The following POU2F3 variants were observed in gnomAD, a reference collection of about 807,000 sequenced individuals.
The protein encoded by POU2F3 is POU domain, class 2, transcription factor 3.
In POU2F3, 23 loss-of-function variants were observed where a neutral mutation model predicts 59.2. The ratio of observed to expected loss-of-function variants is 0.39; its 90% CI spans 0.28 to 0.55. The LOEUF (loss-of-function observed/expected upper bound fraction) is 0.55, where lower values mean the gene tolerates loss of function less well. Among genes scored for constraint, POU2F3 ranks in the 20% least tolerant of loss-of-function variants. The pLI is 0.66. For synonymous variants in POU2F3, 190 were observed against 214.6 expected (o/e 0.89, Z 1.00); for missense variants, 473 against 544.5 (o/e 0.87, Z 1.31).
chr11:120,314,259 G>A (rs1029725240), intron 10 of POU2F3, among the ~76,000 whole-genome samples: 4 of 152,218 alleles, frequency 2.6e-5, no homozygotes, highest in Non-Finnish European at 5.9e-5. Context: ...TCCTGTTAGG[G>A]TGGGATCTTC....
In POU2F3 at chr11:120,269,031, G is replaced by A. The variant is rs1245059886; in HGVS notation, c.98-179G>A. Among the ~76,000 whole-genome samples the A allele has an allele frequency of 2.0e-5, 3 of 152,154 alleles. No individual in the cohort carries two copies. The East Asian group carries it at 5.8e-4, about 29-fold the overall frequency. ...TTACCCAGCTATCACCACCCTGGAG[G>A]AGACTTTCCAAAGGCGTTTCCAGGA... is the stretch of plus-strand genomic sequence containing the variant. On this transcript the variant is annotated intron_variant, in intron 2 of 12. Transcript: ENST00000543440.
At chr11:120,297,308 C>T (rs542216133) in intron 3 of POU2F3, among the ~76,000 whole-genome samples, 2 of 152,300 alleles carry the variant, frequency 1.3e-5, no homozygotes, top group African/African-American at 4.8e-5. Context: ...CCTGGGAAGC[C>T]CACGCATGGG....
chr11:120,317,165 G>A (rs1941809833), intron 11 of POU2F3, 64 bp from the exon 12 acceptor site: 1 of 1,586,006 alleles, frequency 6.3e-7, no homozygotes, highest in Non-Finnish European at 8.7e-7. Context: ...GAGGGGCTAT[G>A]TCCCGATGTC....
chr11:120,298,297 G>A lies in POU2F3; in HGVS notation c.165G>A (p.Gln55=). The change falls in exon 4 of 13, where the codon CAG becomes CAA. Residue 55 remains glutamine (Q), a synonymous_variant. Transcript: ENST00000543440. ...CCGAAGATCTCAGTGACTCCCTGCAGCAGACCCTCTCCCATCGGCCATGCC... is the reference window on the plus strand; with the variant it reads ...CCGAAGATCTCAGTGACTCCCTGCAACAGACCCTCTCCCATCGGCCATGCC... ...IKTEDLSDSL[Q]QTLSHRPCHL... The A allele has an allele frequency of 6.2e-7, 1 of 1,613,658 alleles. No homozygotes were observed. The highest frequency in any genetic ancestry group is 1.1e-5 in the South Asian group (1 of 91,014).
chr11:120,244,609 A>G (rs2135123118), intron 1 of POU2F3, among the ~76,000 whole-genome samples: 1 of 152,270 alleles, frequency 6.6e-6, no homozygotes, highest in East Asian at 1.9e-4. Flanking sequence ...TGAAACCACC[A>G]GTGGGGGAGA....
intron 3 of POU2F3, among the ~76,000 whole-genome samples, chr11:120,278,938 C>T (rs1940449028): frequency 6.6e-6 from 1 of 152,216 alleles, no homozygotes; most frequent in Non-Finnish European, 1.5e-5. Context: ...TAACTCCCTT[C>T]TCCAAAGTGA....
At chr11:120,300,499 C>T (rs1941316117) in intron 5 of POU2F3, among the ~76,000 whole-genome samples, 1 of 152,116 alleles carries the variant, frequency 6.6e-6, no homozygotes, top group Non-Finnish European at 1.5e-5. Context: ...CTCGGTGGCT[C>T]ACGCCTGTAA....
chr11:120,263,498 G>T (rs35066111), intron 2 of POU2F3, among the ~76,000 whole-genome samples: 1 of 152,106 alleles, frequency 6.6e-6, no homozygotes, highest in Non-Finnish European at 1.5e-5. Context: ...TCTCTGCTTC[G>T]AATCACTTCC....
intron 2 of POU2F3, chr11:120,250,209 T>C (rs1268836572): frequency 6.6e-6 from 1 of 152,322 alleles, no homozygotes; most frequent in Non-Finnish European, 1.5e-5. Flanking sequence ...TTCCTTTCTT[T>C]CCAGCTTCCC....
chr11:120,266,112 A>G (rs1014409608), intron 2 of POU2F3, among the ~76,000 whole-genome samples: 13 of 152,088 alleles, frequency 8.5e-5, no homozygotes, highest in African/African-American at 3.1e-4. Flanking sequence ...TGGCATCTCA[A>G]ACCTTGCATG....
chr11:120,318,623 C>T lies in POU2F3; in HGVS notation c.*231C>T, dbSNP rs1941847927. 4 of 486,612 alleles carry T rather than the reference C, an allele frequency of 8.2e-6. No homozygotes were observed. Among genetic ancestry groups the T allele is most frequent in the Non-Finnish European group, 1.4e-5 (4 of 277,864 alleles). The allele number at this position is 486,612 out of a possible 1,614,324, so 30.1% of individuals were successfully genotyped here. A position where few individuals can be genotyped will look rare whatever the true frequency, so the allele number is the denominator to read the frequency against. On this transcript the variant is annotated 3_prime_UTR_variant, in exon 13 of 13. Coordinates refer to ENST00000543440, the MANE Select transcript of POU2F3 (RefSeq NM_014352.4). ...TGAAATACACAGCCCCTCCTAGGAG[C>T]TTACCATTTTCACCTTCCTTGCCTA...
chr11:120,258,142 T>C (rs1939428722), intron 2 of POU2F3, among the ~76,000 whole-genome samples: 1 of 152,194 alleles, frequency 6.6e-6, no homozygotes, highest in African/African-American at 2.4e-5. Flanking sequence ...TGTGACCACG[T>C]GAGAGCCAGC....
chr11:120,241,417 C>T (rs567289605), intron 1 of POU2F3, among the ~76,000 whole-genome samples: 6 of 152,114 alleles, frequency 3.9e-5, no homozygotes, highest in Non-Finnish European at 8.8e-5. Flanking sequence ...AGTGAGTGCC[C>T]GGAGGGAGGG....
chr11:120,308,308 A>G (rs1941556713), intron 9 of POU2F3, among the ~76,000 whole-genome samples: 1 of 152,198 alleles, frequency 6.6e-6, no homozygotes, highest in African/African-American at 2.4e-5. Flanking sequence ...CAGCCTCCAG[A>G]GCCGCCATGG....
At chr11:120,240,032 C>G (rs1938595229), upstream of POU2F3, among the ~76,000 whole-genome samples, 1 of 152,188 alleles carries the variant, frequency 6.6e-6, no homozygotes, top group Admixed American at 6.5e-5. Context: ...AGGTCCCCAG[C>G]TCCATGTATG....
chr11:120,288,373 A>G (rs949292162), intron 3 of POU2F3, among the ~76,000 whole-genome samples: 1 of 152,164 alleles, frequency 6.6e-6, no homozygotes, highest in African/African-American at 2.4e-5. Context: ...TCTATCCAAA[A>G]CCGAAATAAA....
intron 10 of POU2F3, among the ~76,000 whole-genome samples, chr11:120,312,175 G>A (rs1188130243): frequency 6.6e-6 from 1 of 151,142 alleles, no homozygotes; most frequent in Non-Finnish European, 1.5e-5. Flanking sequence ...CCAGGCTGGA[G>A]TGCAATGGTG....
intron 2 of POU2F3, among the ~76,000 whole-genome samples, chr11:120,265,175 G>A (rs925005087): frequency 6.6e-5 from 10 of 152,172 alleles, no homozygotes; most frequent in East Asian, 1.9e-4. Flanking sequence ...TGAGGGCTGC[G>A]GTGGTTCCTC....
chr11:120,260,881 A>T (rs1188880110), intron 2 of POU2F3, among the ~76,000 whole-genome samples: 6 of 152,104 alleles, frequency 3.9e-5, no homozygotes, highest in Non-Finnish European at 4.4e-5. Flanking sequence ...TAGCTTGGAC[A>T]ACATAGTGAG....
Sources: allele counts gnomAD v4.1 joint callset (sites outside exome capture counted in the v4.1 genomes callset), GRCh38; gene constraint gnomAD v4.1.1; transcripts MANE v1.5; gene names NCBI Gene and HGNC (gene_info 2026-07-23, HGNC 2026-07-21).